Variants in NCBP1 observed in about 807,000 individuals in gnomAD.
NCBP1 encodes the protein nuclear cap binding protein subunit 1.
In NCBP1, 16 loss-of-function variants were observed where a neutral mutation model predicts 111.7. The observed-to-expected ratio is 0.14, with a 90% CI of 0.10 to 0.22. NCBP1 has a LOEUF of 0.22. NCBP1 is among the 10% of genes least tolerant of loss of function. The probability of loss-of-function intolerance (pLI) is 1.00; values close to 1 mark genes in which losing one functional copy is unlikely to be tolerated. For synonymous variants in NCBP1, 304 were observed against 314.3 expected (o/e 0.97, Z 0.35); for missense variants, 607 against 957.5 (o/e 0.63, Z 4.83).
intron 22 of NCBP1, chr9:97,670,019 T>A: frequency 2.6e-6 from 1 of 389,594 alleles, no homozygotes; most frequent in Non-Finnish European, 4.9e-6. Flanking sequence ...ACCTCCTAGG[T>A]TTAAGCAATT....
In NCBP1 at chr9:97,633,933, G is replaced by C. The variant is rs1826909458; in HGVS notation, c.34+18G>C. ...GAACGACGGTGAGTGCCTGCGGCCC[G>C]GCCACGGAGGCCGCTCCCGGTTGGG... On this transcript the variant is annotated intron_variant, in intron 1 of 22. Transcript: ENST00000375147. The C allele has an allele frequency of 6.3e-7, 1 of 1,575,408 alleles. No individual in the cohort carries two copies. The highest frequency in any genetic ancestry group is 1.8e-5 in the Admixed American group (1 of 55,968).
chr9:97,654,467 T>C (rs1283423431), intron 11 of NCBP1, among the ~76,000 whole-genome samples: 1 of 152,026 alleles, frequency 6.6e-6, no homozygotes, highest in Non-Finnish European at 1.5e-5. Context: ...TTGTAAAAAT[T>C]ACCAGTATGT....
At chr9:97,643,100 A>G in intron 3 of NCBP1, 104 bp from the exon 4 acceptor site, 2 of 1,179,832 alleles carry the variant, frequency 1.7e-6, no homozygotes, top group Non-Finnish European at 1.2e-6. Context: ...GCTAAAAGTA[A>G]TCCTGTTCCA....
At chr9:97,667,124 A>C in intron 20 of NCBP1, among the ~76,000 whole-genome samples, 1 of 152,142 alleles carries the variant, frequency 6.6e-6, no homozygotes, top group Non-Finnish European at 1.5e-5. Context: ...CCCATAGTTC[A>C]CTATCTCTGG....
intron 15 of NCBP1, among the ~76,000 whole-genome samples, chr9:97,660,190 G>A (rs940464035): frequency 6.6e-6 from 1 of 152,104 alleles, no homozygotes; most frequent in East Asian, 1.9e-4. Context: ...GGTGTAATAT[G>A]ACTGTCCTCA....
intron 19 of NCBP1, among the ~76,000 whole-genome samples, chr9:97,665,982 T>A (rs559410068): frequency 5.1e-4 from 77 of 152,242 alleles, no homozygotes; most frequent in African/African-American, 1.6e-3. Context: ...ATCTTCACAT[T>A]GAGTAGGCTG....
At position 97,645,199 on chromosome 9, in the gene NCBP1, T is replaced by C. The variant is rs1827300021; in HGVS notation, c.464T>C (p.Val155Ala). 6.2e-7 allele frequency: 1 copy of C among 1,613,116 alleles called. No individual in the cohort carries two copies. The highest frequency in any genetic ancestry group is 1.7e-5 in the Admixed American group (1 of 60,008). ...MVAMFENFVSVTQEEDVPQVR... is the reference protein window; with the variant it reads ...MVAMFENFVSATQEEDVPQVR... ...GCTATGTTTGAAAATTTTGTAAGCG[T>C]AACTCAGGAAGAAGATGTACCTCAG... The change falls in exon 5 of 23, where the codon GTA (valine) becomes GCA (alanine). Residue 155 changes from valine (V) to alanine (A), a missense_variant. This residue lies in a region of NCBP1 where 185 missense variants were observed against 272.0 expected (regional missense o/e 0.68). Transcript: ENST00000375147.
Position 97,668,914 on chromosome 9 carries a change from T to A in NCBP1, c.2085T>A (p.Leu695=), listed in dbSNP as rs747735764. The part of the protein sequence containing the change: ...DGVLEEQIER[L]QEKVESAQSE... ...TTCTTGAGGAACAAATAGAACGACT[T>A]CAGGAAAAAGTGGAATCTGCTCAGA... The change falls in exon 21 of 23, where the codon CTT becomes CTA. Residue 695 remains leucine (L), a synonymous_variant. Transcript: ENST00000375147. The A allele has an allele frequency of 1.2e-6, 2 of 1,613,682 alleles. No homozygotes were observed. Among genetic ancestry groups the A allele is most frequent in the South Asian group, 1.1e-5 (1 of 91,058 alleles).
At chr9:97,641,911 G>A (rs1301269766) in intron 3 of NCBP1, among the ~76,000 whole-genome samples, 2 of 152,068 alleles carry the variant, frequency 1.3e-5, no homozygotes, top group Non-Finnish European at 2.9e-5. Flanking sequence ...TTTTTATAGA[G>A]ATAGTAGATA....
Position 97,656,030 on chromosome 9 carries a change from G to C in NCBP1, c.1318G>C (p.Asp440His). The change falls in exon 14 of 23, where the codon GAT (aspartate) becomes CAT (histidine). Residue 440 changes from aspartate to histidine, a missense_variant. This residue lies in a region of NCBP1 where 282 missense variants were observed against 376.5 expected (regional missense o/e 0.75). Coordinates refer to ENST00000375147, the MANE Select transcript of NCBP1 (RefSeq NM_002486.5). ...WEDWSDCLSQ[D>H]PESPKPKFVR... ...CCTTAGGTCAGATTGTCTTAGTCAA[G>C]ATCCTGAAAGTCCCAAACCGAAGTT... 3 of 1,613,982 alleles carry C rather than the reference G, an allele frequency of 1.9e-6. No individual in the cohort carries two copies. The highest frequency in any genetic ancestry group is 2.5e-6 in the Non-Finnish European group (3 of 1,179,898).
At chr9:97,640,281 C>T (rs1275012223) in intron 1 of NCBP1, among the ~76,000 whole-genome samples, 3 of 152,088 alleles carry the variant, frequency 2.0e-5, no homozygotes, top group African/African-American at 7.2e-5. Context: ...GCTGATATGA[C>T]AGCTTTTTTT....
intron 10 of NCBP1, among the ~76,000 whole-genome samples, chr9:97,652,897 T>C (rs1197551645): frequency 6.6e-6 from 1 of 152,154 alleles, no homozygotes; most frequent in Non-Finnish European, 1.5e-5. Flanking sequence ...GACCGAAGTG[T>C]AGAAGTGTGA....
At chr9:97,652,149 G>T (rs1218296602) in intron 10 of NCBP1, among the ~76,000 whole-genome samples, 2 of 152,132 alleles carry the variant, frequency 1.3e-5, no homozygotes, top group Non-Finnish European at 2.9e-5. Context: ...AACTACAGGT[G>T]CACACCACCA....
At chr9:97,665,050 G>A (rs1827954241) in intron 19 of NCBP1, among the ~76,000 whole-genome samples, 1 of 152,198 alleles carries the variant, frequency 6.6e-6, no homozygotes, top group African/African-American at 2.4e-5. Flanking sequence ...ATAGGACCAG[G>A]GCAGCAGGAG....
chr9:97,636,644 A>G (rs1314650752), intron 1 of NCBP1, among the ~76,000 whole-genome samples: 2 of 60,628 alleles, frequency 3.3e-5, no homozygotes, highest in Non-Finnish European at 6.6e-5. Context: ...ATACATATAT[A>G]TATATATATA....
At chr9:97,650,711 CCT>C (rs1827475050) in intron 9 of NCBP1, 111 bp downstream of exon 9, 1 of 791,426 alleles carries the variant, frequency 1.3e-6, no homozygotes, top group East Asian at 2.5e-5. Flanking sequence ...CTCCTGACTC[CCT>C]GTCTTGCTAA....
At chr9:97,662,876 C>A in intron 17 of NCBP1, 78 bp from the exon 18 acceptor site, 4 of 1,060,696 alleles carry the variant, frequency 3.8e-6, no homozygotes, top group Non-Finnish European at 5.6e-6. Context: ...AATTGAGTAA[C>A]ATTGAAAAGG....
intron 11 of NCBP1, among the ~76,000 whole-genome samples, 161 bp downstream of exon 11, chr9:97,654,069 C>T (rs1827572928): frequency 6.6e-6 from 1 of 152,114 alleles, no homozygotes; most frequent in Non-Finnish European, 1.5e-5. Context: ...TCTGTAAATA[C>T]ATATGTACCT....
intron 6 of NCBP1, among the ~76,000 whole-genome samples, chr9:97,647,117 T>C (rs905379803): frequency 6.6e-6 from 1 of 152,200 alleles, no homozygotes; most frequent in Non-Finnish European, 1.5e-5. Context: ...AAACAATGTT[T>C]CAGTGAATAT....
Sources: gnomAD v4.1 joint callset for allele counts (sites outside exome capture counted in the v4.1 genomes callset) on GRCh38, gnomAD v4.1.1 for gene constraint, gnomAD v4.1.1 regional missense constraint, MANE v1.5 for transcripts, NCBI Gene and HGNC (gene_info 2026-07-23, HGNC 2026-07-21) for gene names.